ACAD11: variants seen among roughly 807,000 people sequenced by gnomAD.
ACAD11 encodes the protein acyl-CoA dehydrogenase family member 11.
ACAD11 carries 83 observed loss-of-function variants against 102.2 expected under a neutral mutation model. The observed-to-expected ratio is 0.81, with a 90% CI of 0.68 to 0.97. ACAD11 has a LOEUF of 0.97. ACAD11 is among the 50% of genes least tolerant of loss of function. The pLI is 0.00. For missense variants in ACAD11, 901 were observed against 951.7 expected (o/e 0.95, Z 0.70); for synonymous variants, 324 against 319.8 (o/e 1.01, Z -0.14).
intron 1 of ACAD11, among the ~76,000 whole-genome samples, chr3:132,651,918 G>A: frequency 6.6e-6 from 1 of 152,208 alleles, no homozygotes. Context: ...AGGCAGAAGG[G>A]ACTTACCTTG....
chr3:132,648,768 C>T (rs1940811915), intron 1 of ACAD11: 2 of 152,244 alleles, frequency 1.3e-5, no homozygotes, highest in African/African-American at 4.8e-5. Context: ...CCTTCACTAA[C>T]TATCTACTCT....
chr3:132,630,694 T>C, intron 6 of ACAD11, 136 bp from the exon 7 acceptor site: 1 of 714,944 alleles, frequency 1.4e-6, no homozygotes, highest in South Asian at 2.8e-5. Flanking sequence ...GTTCTAAATC[T>C]TGATTTCCAA....
intron 11 of ACAD11, among the ~76,000 whole-genome samples, chr3:132,605,952 C>A (rs1938819296): frequency 6.6e-6 from 1 of 152,120 alleles, no homozygotes; most frequent in African/African-American, 2.4e-5. Flanking sequence ...CCTCTCTGAC[C>A]CTTGGAGGGT....
At chr3:132,638,708 T>C (rs1559972152) in intron 5 of ACAD11, among the ~76,000 whole-genome samples, 1 of 152,246 alleles carries the variant, frequency 6.6e-6, no homozygotes, top group South Asian at 2.1e-4. Flanking sequence ...CAGATCCTGC[T>C]ATGTTTTCAG....
At chr3:132,641,837 G>T in intron 4 of ACAD11, 135 bp downstream of exon 4, 1 of 722,896 alleles carries the variant, frequency 1.4e-6, no homozygotes, top group Non-Finnish European at 2.1e-6. Flanking sequence ...CTAAAAACTA[G>T]TCATTCTGAA....
intron 14 of ACAD11, 73 bp downstream of exon 14, chr3:132,579,419 A>G: frequency 8.2e-7 from 1 of 1,220,420 alleles, no homozygotes; most frequent in Non-Finnish European, 1.2e-6. Context: ...AGTGAATTTT[A>G]AGTAAATTAC....
chr3:132,653,785 T>C (rs1320464660), intron 1 of ACAD11, among the ~76,000 whole-genome samples: 1 of 152,206 alleles, frequency 6.6e-6, no homozygotes, highest in Non-Finnish European at 1.5e-5. Flanking sequence ...TAAGACTCCT[T>C]TGTAGGTTTC....
In ACAD11 at chr3:132,579,390, A is replaced by G. The variant is rs576653896; in HGVS notation, c.1688+102T>C. 71 of 930,808 alleles carry G rather than the reference A, an allele frequency of 7.6e-5. 1 individual carries two copies. The South Asian group carries it at 1.1e-3, about 14-fold the overall frequency. 57.7% of individuals were successfully genotyped at this position (930,808 alleles called of 1,614,324 possible). A position where few individuals can be genotyped will look rare whatever the true frequency, so the allele number is the denominator to read the frequency against. On this transcript the variant is annotated intron_variant, in intron 14 of 19. Coordinates refer to ENST00000264990, the MANE Select transcript of ACAD11 (RefSeq NM_032169.5). ...GACATTTACTCTCATATCTTACATT[A>G]TGATTTGTGAGTCCAAACAGTGAAT...
rs184777521 is a variant in ACAD11 at position 132,611,222 on chromosome 3, C to A, written c.1415-6017G>T. Among the ~76,000 whole-genome samples the A allele has an allele frequency of 4.4e-4, 67 of 152,160 alleles. 1 individual carries two copies. The highest frequency in any genetic ancestry group is 1.5e-3 in the African/African-American group (64 of 41,516). On this transcript the variant is annotated intron_variant, in intron 11 of 19. Coordinates refer to ENST00000264990, the MANE Select transcript of ACAD11 (RefSeq NM_032169.5). Reference sequence around the variant, plus strand: ...TAAATTAGGTATCAATGGGACGTATCTCAAAATAATAAGAGCTATCTATGA... The same window carrying A: ...TAAATTAGGTATCAATGGGACGTATATCAAAATAATAAGAGCTATCTATGA...
Position 132,614,495 on chromosome 3 carries a change from G to C in ACAD11, c.1414+4139C>G, listed in dbSNP as rs182150494. Among the ~76,000 whole-genome samples, 422 of 152,226 alleles carry C rather than the reference G, an allele frequency of 2.8e-3. 1 individual carries two copies. The highest frequency in any genetic ancestry group is 7.0e-3 in the Admixed American group (107 of 15,300). ...AATAGATATATAGACCAATGGAACA[G>C]AACAGAGGCCTCAGAAATAACGCCA... On this transcript the variant is annotated intron_variant, in intron 11 of 19. Coordinates refer to ENST00000264990, the MANE Select transcript of ACAD11 (RefSeq NM_032169.5).
At chr3:132,587,864 G>T (rs909886539) in intron 13 of ACAD11, among the ~76,000 whole-genome samples, 1 of 152,114 alleles carries the variant, frequency 6.6e-6, no homozygotes. Flanking sequence ...TTTGCCCTGC[G>T]CATTACTTTC....
intron 17 of ACAD11, among the ~76,000 whole-genome samples, chr3:132,561,557 C>G (rs900822613): frequency 6.6e-6 from 1 of 152,212 alleles, no homozygotes; most frequent in Non-Finnish European, 1.5e-5. Flanking sequence ...CTCCTGAATG[C>G]TAATTGCCTG....
chr3:132,640,455 G>T (rs1176851889), intron 4 of ACAD11, among the ~76,000 whole-genome samples: 1 of 152,164 alleles, frequency 6.6e-6, no homozygotes, highest in Non-Finnish European at 1.5e-5. Flanking sequence ...GGTATGAATA[G>T]TGTAAAGATC....
chr3:132,658,336 T>C (rs141783249), intron 1 of ACAD11, among the ~76,000 whole-genome samples: 1 of 152,366 alleles, frequency 6.6e-6, no homozygotes, highest in African/African-American at 2.4e-5. Flanking sequence ...TTATACAACA[T>C]TTCTGGAAGC....
At chr3:132,643,456 T>C (rs1190094874) in intron 2 of ACAD11, among the ~76,000 whole-genome samples, 2 of 152,174 alleles carry the variant, frequency 1.3e-5, no homozygotes, top group African/African-American at 4.8e-5. Flanking sequence ...ATGCACAGGC[T>C]ATCACTCAGG....
At chr3:132,608,615 CA>C (rs1938966005) in intron 11 of ACAD11, among the ~76,000 whole-genome samples, 1 of 152,052 alleles carries the variant, frequency 6.6e-6, no homozygotes, top group South Asian at 2.1e-4. Context: ...TATATGCACC[CA>C]AAACAGGAGC....
In ACAD11 at chr3:132,637,100, A is replaced by AT. The variant is rs532519913; in HGVS notation, c.702+2391dup. 6.4e-3 allele frequency among the ~76,000 whole-genome samples: 970 copies of AT among 152,288 alleles called. 14 individuals are homozygous for AT. Among genetic ancestry groups the AT allele is most frequent in the Non-Finnish European group, 5.9e-3 (399 of 68,006 alleles). On this transcript the variant is annotated intron_variant, in intron 5 of 19. Coordinates refer to ENST00000264990, the MANE Select transcript of ACAD11 (RefSeq NM_032169.5). The stretch of plus-strand genomic sequence containing the variant: ...CACGACTTTATTCTGCAGCAAAAAT[A>AT]TGAGGATTCAAGTTTAGGGCTAGAA...
In ACAD11 at chr3:132,572,129, C is replaced by G. The variant is rs145892262; in HGVS notation, c.2001+3643G>C. 7.2e-4 allele frequency among the ~76,000 whole-genome samples: 109 copies of G among 152,106 alleles called. No homozygotes were observed. The East Asian group carries it at 0.018, about 25-fold the overall frequency. Reference sequence around the variant, plus strand: ...CAGGAAGACAGAAAGTCAAACTATCCCTGTTTGCAGAAGACATTATTCTAT... The same window carrying G: ...CAGGAAGACAGAAAGTCAAACTATCGCTGTTTGCAGAAGACATTATTCTAT... On this transcript the variant is annotated intron_variant, in intron 17 of 19. Coordinates refer to ENST00000264990, the MANE Select transcript of ACAD11 (RefSeq NM_032169.5).
chr3:132,646,418 C>T (rs1417767780), intron 1 of ACAD11: 1 of 152,200 alleles, frequency 6.6e-6, no homozygotes, highest in Non-Finnish European at 1.5e-5. Flanking sequence ...CTTACAAACA[C>T]ATTTTTTAAA....
Sources: gnomAD v4.1 joint callset for allele counts (sites outside exome capture counted in the v4.1 genomes callset) on GRCh38, gnomAD v4.1.1 for gene constraint, MANE v1.5 for transcripts, NCBI Gene and HGNC (gene_info 2026-07-23, HGNC 2026-07-21) for gene names.